ARNT2: variants seen among roughly 807,000 people sequenced by gnomAD.
The protein encoded by ARNT2 is aryl hydrocarbon receptor nuclear translocator 2.
A neutral mutation model predicts 91.7 loss-of-function variants in ARNT2; 36 were observed. The observed-to-expected ratio is 0.39, with a 90% CI of 0.30 to 0.52. The LOEUF is 0.52. Ranked by LOEUF, ARNT2 falls within the 20% of genes least tolerant of loss-of-function variation. The pLI is 0.72. For synonymous variants in ARNT2, 365 were observed against 347.1 expected, an observed-to-expected ratio of 1.05 and a Z score of -0.57; for missense variants, 775 against 939.3, an observed-to-expected ratio of 0.83 and a Z score of 2.29.
At chr15:80,463,200 CAAG>C (rs1009367007) in intron 3 of ARNT2, among the ~76,000 whole-genome samples, 39 of 152,172 alleles carry the variant, frequency 2.6e-4, no homozygotes, top group African/African-American at 8.4e-4. Context: ...CAGGCAGCAG[CAAG>C]GAGTGCCCCT....
intron 1 of ARNT2, among the ~76,000 whole-genome samples, chr15:80,441,911 A>T (rs1231829568): frequency 6.6e-6 from 1 of 152,248 alleles, no homozygotes; most frequent in Non-Finnish European, 1.5e-5. Flanking sequence ...GCCTAAGAGC[A>T]GACAGTCATT....
intron 3 of ARNT2, among the ~76,000 whole-genome samples, chr15:80,462,727 C>G (rs1595973478): frequency 6.6e-6 from 1 of 152,174 alleles, no homozygotes; most frequent in African/African-American, 2.4e-5. Context: ...ATTGGCTGCT[C>G]TTTGGTGAGA....
At position 80,594,955 on chromosome 15, in the gene ARNT2, G is replaced by A. The variant is rs1024260198; in HGVS notation, c.*1257G>A. On this transcript the variant is annotated 3_prime_UTR_variant, in exon 19 of 19. Transcript: ENST00000303329. ...GTTCTGGTTCTGCCACACACCCACC[G>A]GCCTTGAATTTCTCTGGTGGTCTCA... 10 of 152,184 alleles carry A rather than the reference G, an allele frequency of 6.6e-5. No individual in the cohort carries two copies. Among genetic ancestry groups the A allele is most frequent in the African/African-American group, 9.7e-5 (4 of 41,418 alleles). 9.4% of individuals were successfully genotyped at this position (152,184 alleles called of 1,614,324 possible).
chr15:80,455,871 T>C (rs1220980921), intron 2 of ARNT2, among the ~76,000 whole-genome samples: 1 of 152,218 alleles, frequency 6.6e-6, no homozygotes, highest in East Asian at 1.9e-4. Flanking sequence ...ATGAGTTCTT[T>C]GGAATGTTGA....
rs1427480659 is a variant in ARNT2, at chr15:80,580,555, G to A, written c.1752+6G>A. Reference sequence around the variant, plus strand: ...GTCCGCCCTTTCCGGGACAGGTATGGGCATCTGTGAGGGCATCTCCCCTGG... The same window carrying A: ...GTCCGCCCTTTCCGGGACAGGTATGAGCATCTGTGAGGGCATCTCCCCTGG... On this transcript the variant is annotated splice_donor_region_variant and intron_variant, in intron 16 of 18. Coordinates refer to ENST00000303329, the MANE Select transcript of ARNT2 (RefSeq NM_014862.4). 1.2e-6 allele frequency: 2 copies of A among 1,613,656 alleles called. No individual in the cohort carries two copies. The highest frequency in any genetic ancestry group is 1.7e-6 in the Non-Finnish European group (2 of 1,180,024).
At chr15:80,454,072 C>G (rs1896445457) in intron 2 of ARNT2, among the ~76,000 whole-genome samples, 1 of 152,240 alleles carries the variant, frequency 6.6e-6, no homozygotes, top group Non-Finnish European at 1.5e-5. Context: ...CAGCCTTCAT[C>G]AGTAAGTGTC....
chr15:80,434,166 T>C (rs1025220027), intron 1 of ARNT2: 2 of 152,236 alleles, frequency 1.3e-5, no homozygotes. Context: ...AGAGGGATTC[T>C]AGTGTCTGTG....
intron 5 of ARNT2, among the ~76,000 whole-genome samples, chr15:80,477,522 A>G (rs1272048629): frequency 6.6e-6 from 1 of 152,214 alleles, no homozygotes; most frequent in Non-Finnish European, 1.5e-5. Context: ...TCAGTATATC[A>G]TCAGGTTTGT....
intron 6 of ARNT2, among the ~76,000 whole-genome samples, chr15:80,512,923 A>G (rs1215507988): frequency 2.0e-5 from 3 of 152,204 alleles, no homozygotes; most frequent in Non-Finnish European, 4.4e-5. Context: ...ATTTTCCTCC[A>G]AATGAAACAG....
intron 1 of ARNT2, among the ~76,000 whole-genome samples, chr15:80,416,360 C>T (rs1473065844): frequency 2.6e-5 from 4 of 151,958 alleles, no homozygotes; most frequent in African/African-American, 4.8e-5. Flanking sequence ...ACACAATGTG[C>T]CTTCTAACTC....
At chr15:80,544,921 A>G (rs541021732) in intron 8 of ARNT2, among the ~76,000 whole-genome samples, 9 of 152,318 alleles carry the variant, frequency 5.9e-5, no homozygotes, top group Admixed American at 2.0e-4. Context: ...GGGCAAGTCC[A>G]GGACCAGCAG....
chr15:80,425,060 T>G (rs1312362274), intron 1 of ARNT2, among the ~76,000 whole-genome samples: 1 of 152,226 alleles, frequency 6.6e-6, no homozygotes, highest in Non-Finnish European at 1.5e-5. Flanking sequence ...TTGTGCAAAC[T>G]TGGGATAATA....
At chr15:80,420,484 G>T (rs1014769486) in intron 1 of ARNT2, among the ~76,000 whole-genome samples, 34 of 152,048 alleles carry the variant, frequency 2.2e-4, no homozygotes, top group Admixed American at 6.6e-5. Context: ...GGTAGGTTAG[G>T]TGTATTAAAT....
chr15:80,490,239 T>A (rs1158672678), intron 5 of ARNT2, among the ~76,000 whole-genome samples: 1 of 151,946 alleles, frequency 6.6e-6, no homozygotes, highest in Non-Finnish European at 1.5e-5. Flanking sequence ...TTGCACAGAG[T>A]CAGTCCCTCT....
chr15:80,559,348 C>T (rs923836107), intron 11 of ARNT2, among the ~76,000 whole-genome samples: 10 of 152,308 alleles, frequency 6.6e-5, no homozygotes, highest in East Asian at 3.9e-4. Flanking sequence ...GCCCCAGCCC[C>T]GGCCACAGGG....
intron 8 of ARNT2, among the ~76,000 whole-genome samples, chr15:80,525,425 C>G (rs2141436986): frequency 6.6e-6 from 1 of 152,260 alleles, no homozygotes; most frequent in Middle Eastern, 3.4e-3. Flanking sequence ...TTAGATCCCT[C>G]AAGAGCAAGA....
intron 12 of ARNT2, among the ~76,000 whole-genome samples, chr15:80,563,561 G>T (rs1596016278): frequency 6.6e-6 from 1 of 152,294 alleles, no homozygotes; most frequent in Non-Finnish European, 1.5e-5. Flanking sequence ...GAGCTCTGCT[G>T]GGCCCCGCCT....
chr15:80,541,590 G>A (rs1211509483), intron 8 of ARNT2, among the ~76,000 whole-genome samples: 1 of 152,042 alleles, frequency 6.6e-6, no homozygotes, highest in Admixed American at 6.5e-5. Context: ...TGTTTCCTAG[G>A]ATTTTCTTCT....
intron 3 of ARNT2, among the ~76,000 whole-genome samples, chr15:80,459,536 A>G (rs748357078): frequency 1.4e-4 from 21 of 152,192 alleles, no homozygotes; most frequent in Non-Finnish European, 2.9e-4. Flanking sequence ...TTAGGAAATG[A>G]TGATTCCTGG....
Sources: allele counts gnomAD v4.1 joint callset (sites outside exome capture counted in the v4.1 genomes callset), GRCh38; gene constraint gnomAD v4.1.1; transcripts MANE v1.5; gene names NCBI Gene and HGNC (gene_info 2026-07-23, HGNC 2026-07-21).